The following GUCY1A1 variants were observed in gnomAD, a reference collection of about 807,000 sequenced individuals.
GUCY1A1 encodes the protein guanylate cyclase 1 soluble subunit alpha 1, also known as guanylate cyclase soluble subunit alpha-1.
Under a neutral mutation model 64.5 loss-of-function variants are expected in GUCY1A1, and 48 were observed. That is an observed-to-expected ratio of 0.74 (90% CI 0.59 to 0.95). GUCY1A1 has a LOEUF of 0.95. Among genes scored for constraint, GUCY1A1 ranks in the 40% least tolerant of loss-of-function variants. The pLI is 0.00. For missense variants in GUCY1A1, 804 were observed against 825.3 expected (o/e 0.97, Z 0.32); for synonymous variants, 308 against 303.4 (o/e 1.02, Z -0.16).
chr4:155,700,898 T>C (rs1730994724), intron 3 of GUCY1A1, among the ~76,000 whole-genome samples: 1 of 152,212 alleles, frequency 6.6e-6, no homozygotes, highest in Admixed American at 6.5e-5. Flanking sequence ...TTGGATTTAG[T>C]TCTAAAATCT....
intron 2 of GUCY1A1, among the ~76,000 whole-genome samples, chr4:155,679,466 G>A (rs1452034317): frequency 5.9e-5 from 9 of 152,184 alleles, no homozygotes; most frequent in Non-Finnish European, 8.8e-5. Context: ...AGAAGGTGAA[G>A]GGGAGCCAGC....
At chr4:155,680,800 G>A (rs1480755857) in intron 2 of GUCY1A1, among the ~76,000 whole-genome samples, 1 of 152,114 alleles carries the variant, frequency 6.6e-6, no homozygotes, top group Admixed American at 6.6e-5. Context: ...ATTTTGAGCA[G>A]GAGGAGGAAG....
At position 155,734,199 on chromosome 4, in the gene GUCY1A1, A is replaced by C. The variant is rs985131369; in HGVS notation, c.*3968A>C. Among the ~76,000 whole-genome samples, 1 of 151,872 alleles carries C rather than the reference A, an allele frequency of 6.6e-6. No homozygotes were observed. The highest frequency in any genetic ancestry group is 6.6e-5 in the Admixed American group (1 of 15,228). On this transcript the variant is annotated 3_prime_UTR_variant, in exon 10 of 10. Coordinates refer to ENST00000506455, the MANE Select transcript of GUCY1A1 (RefSeq NM_001130682.3). ...CAAATGAAAGAGATGAATAAACAAGAGTGTCTAGTCTAACTAGTGCCTGAG... is the reference window on the plus strand; with the variant it reads ...CAAATGAAAGAGATGAATAAACAAGCGTGTCTAGTCTAACTAGTGCCTGAG...
At chr4:155,684,136 G>A (rs1031653247) in intron 2 of GUCY1A1, among the ~76,000 whole-genome samples, 2 of 152,108 alleles carry the variant, frequency 1.3e-5, no homozygotes, top group Admixed American at 1.3e-4. Flanking sequence ...GAAATGAATA[G>A]GAAAAATTGT....
In GUCY1A1 at chr4:155,702,619, A is replaced by G. The variant is rs151108353; in HGVS notation, c.256-1313A>G. On this transcript the variant is annotated intron_variant, in intron 3 of 9. Transcript: ENST00000506455. ...TTTCTTTCATCCTGTGGCAGATAGT[A>G]TCCTTTCTCTCTATATCTGAACAGT... Among the ~76,000 whole-genome samples, 423 of 152,216 alleles carry G rather than the reference A, an allele frequency of 2.8e-3. 1 individual carries two copies. Among genetic ancestry groups the G allele is most frequent in the Non-Finnish European group, 5.0e-3 (342 of 67,994 alleles).
In GUCY1A1 at chr4:155,706,216, A is replaced by C. The variant is rs191409930; in HGVS notation, c.318-2020A>C. On this transcript the variant is annotated intron_variant, in intron 4 of 9. Coordinates refer to ENST00000506455, the MANE Select transcript of GUCY1A1 (RefSeq NM_001130682.3). ...AAAAAGAAATCTGATTATACTTTTA[A>C]ATTTTCTTGATGAGAACTATTCAGT... is the stretch of plus-strand genomic sequence containing the variant. Among the ~76,000 whole-genome samples the C allele has an allele frequency of 2.8e-3, 424 of 152,322 alleles. 2 individuals are homozygous for C. The highest frequency in any genetic ancestry group is 3.7e-3 in the Non-Finnish European group (253 of 68,030).
chr4:155,668,080 T>C (rs1325628006), intron 2 of GUCY1A1: 2 of 152,266 alleles, frequency 1.3e-5, no homozygotes, highest in Non-Finnish European at 2.9e-5. Context: ...CCCATTTCTG[T>C]TTTCGTTAGG....
chr4:155,705,675 G>C (rs991479954), intron 4 of GUCY1A1, among the ~76,000 whole-genome samples: 3 of 152,052 alleles, frequency 2.0e-5, no homozygotes, highest in Admixed American at 2.0e-4. Context: ...TTACAAACCA[G>C]CACTATTGTC....
chr4:155,686,360 T>C (rs6536082), intron 2 of GUCY1A1, among the ~76,000 whole-genome samples: 147,673 of 152,236 alleles, frequency 0.97, 71,783 homozygotes, highest in East Asian at 1. Context: ...GTGCGCCTGT[T>C]GTCCCAGCTA....
At chr4:155,679,842 A>C (rs183206478) in intron 2 of GUCY1A1, among the ~76,000 whole-genome samples, 1 of 152,212 alleles carries the variant, frequency 6.6e-6, no homozygotes, top group African/African-American at 2.4e-5. Context: ...ACAAACAAAC[A>C]TATTTTCTTT....
chr4:155,717,376 G>C, intron 8 of GUCY1A1, 74 bp downstream of exon 8: 1 of 1,103,040 alleles, frequency 9.1e-7, no homozygotes, highest in Non-Finnish European at 1.2e-6. Context: ...AAACCATGGT[G>C]TATCAGTTGG....
intron 9 of GUCY1A1, among the ~76,000 whole-genome samples, chr4:155,724,960 TCACCATC>T (rs1734460561): frequency 6.6e-6 from 1 of 152,060 alleles, no homozygotes; most frequent in Non-Finnish European, 1.5e-5. Context: ...TAAAATGATA[TCACCATC>T]CACCTAGTTA....
intron 2 of GUCY1A1, among the ~76,000 whole-genome samples, chr4:155,672,354 C>T (rs1197938170): frequency 4.6e-5 from 7 of 152,100 alleles, no homozygotes; most frequent in East Asian, 3.8e-4. Context: ...TCCTAGACAC[C>T]GTCCTTTACG....
At chr4:155,698,160 A>C (rs1052193439) in intron 3 of GUCY1A1, among the ~76,000 whole-genome samples, 2 of 152,212 alleles carry the variant, frequency 1.3e-5, no homozygotes, top group Non-Finnish European at 2.9e-5. Flanking sequence ...ACAGCTTTCA[A>C]AGGGTAGAGC....
rs1025189230 is a variant in GUCY1A1 at position 155,666,854 on chromosome 4, T to C, written c.-298T>C. Reference sequence around the variant, plus strand: ...TTCAGTGCAGAGTTTTCCTACACTTTTCCTGCGCTAGAGCAGCGAGCAGCC... The same window carrying C: ...TTCAGTGCAGAGTTTTCCTACACTTCTCCTGCGCTAGAGCAGCGAGCAGCC... On this transcript the variant is annotated 5_prime_UTR_variant, in exon 1 of 10. Transcript: ENST00000506455. 1 of 152,234 alleles carries C rather than the reference T, an allele frequency of 6.6e-6. No homozygotes were observed. 9.4% of individuals were successfully genotyped at this position (152,234 alleles called of 1,614,324 possible).
intron 3 of GUCY1A1, among the ~76,000 whole-genome samples, chr4:155,699,317 G>A (rs1579057961): frequency 6.6e-6 from 1 of 152,012 alleles, no homozygotes; most frequent in African/African-American, 2.4e-5. Flanking sequence ...GTTTCTGGGT[G>A]GTGTGCCTTC....
chr4:155,689,094 C>T (rs1254454178), intron 2 of GUCY1A1, among the ~76,000 whole-genome samples: 1 of 150,374 alleles, frequency 6.7e-6, no homozygotes, highest in Non-Finnish European at 1.5e-5. Context: ...GACATTATTT[C>T]CCTAGCGATA....
chr4:155,677,681 A>G (rs904298438), intron 2 of GUCY1A1, among the ~76,000 whole-genome samples: 11 of 152,006 alleles, frequency 7.2e-5, no homozygotes, highest in African/African-American at 1.4e-4. Context: ...GTGAAACCCC[A>G]TCTCTATGAA....
Position 155,730,235 on chromosome 4 carries a change from C to T in GUCY1A1, c.*4C>T. On this transcript the variant is annotated 3_prime_UTR_variant, in exon 10 of 10. Coordinates refer to ENST00000506455, the MANE Select transcript of GUCY1A1 (RefSeq NM_001130682.3). Reference sequence around the variant, plus strand: ...CAAAGCATCAGGAATAGATTAGCAACCTATATACCTATTTATAAGTCTTTG... The same window carrying T: ...CAAAGCATCAGGAATAGATTAGCAATCTATATACCTATTTATAAGTCTTTG... 1 of 1,541,956 alleles carries T rather than the reference C, an allele frequency of 6.5e-7. No individual in the cohort carries two copies. The highest frequency in any genetic ancestry group is 9.0e-7 in the Non-Finnish European group (1 of 1,115,172).
Sources: allele counts gnomAD v4.1 joint callset (sites outside exome capture counted in the v4.1 genomes callset), GRCh38; gene constraint gnomAD v4.1.1; transcripts MANE v1.5; gene names NCBI Gene and HGNC (gene_info 2026-07-23, HGNC 2026-07-21).